CFAP61: variants seen among roughly 807,000 people sequenced by gnomAD.
CFAP61 encodes cilia- and flagella-associated protein 61.
In CFAP61, 107 loss-of-function variants were observed where a neutral mutation model predicts 135.6. The observed-to-expected ratio is 0.79, with a 90% CI of 0.67 to 0.93. The LOEUF (loss-of-function observed/expected upper bound fraction) is 0.93, where lower values mean the gene tolerates loss of function less well. CFAP61 is among the 40% of genes least tolerant of loss of function. The pLI, the probability that CFAP61 is intolerant of heterozygous loss-of-function variation, is 0.00. For missense variants in CFAP61, 1,507 were observed against 1,556.2 expected (o/e 0.97, Z 0.53); for synonymous variants, 575 against 578.5 (o/e 0.99, Z 0.09).
chr20:20,298,297 C>A lies in CFAP61; in HGVS notation c.3333C>A (p.Ser1111=). 1.2e-6 allele frequency: 2 copies of A among 1,614,164 alleles called. No individual in the cohort carries two copies. Among genetic ancestry groups the A allele is most frequent in the East Asian group, 4.5e-5 (2 of 44,886 alleles). Residue 1111 remains serine, a synonymous_variant, in exon 25 of 27, where the codon TCC becomes TCA. Transcript: ENST00000245957. ...TCLSREPFPA[S]NYIRLFGQHE... ...TTTCTAGGGAGCCCTTCCCCGCCTC[C>A]AACTACATCCGCTTGTTTGGCCAGC...
chr20:20,111,782 A>G (rs575380112), intron 8 of CFAP61, among the ~76,000 whole-genome samples: 153 of 152,276 alleles, frequency 1.0e-3, no homozygotes, highest in South Asian at 2.1e-3. Flanking sequence ...GAAAAGAGAG[A>G]CGGGTTCCTT....
At chr20:20,340,008 G>A (rs908008726) in intron 25 of CFAP61, among the ~76,000 whole-genome samples, 1 of 152,230 alleles carries the variant, frequency 6.6e-6, no homozygotes, top group Non-Finnish European at 1.5e-5. Flanking sequence ...TCACCTGGGA[G>A]CCTGTAGCTG....
At chr20:20,178,558 T>A (rs1449117688) in intron 13 of CFAP61, among the ~76,000 whole-genome samples, 1 of 152,208 alleles carries the variant, frequency 6.6e-6, no homozygotes, top group Non-Finnish European at 1.5e-5. Flanking sequence ...GGCTAACCAA[T>A]ATTTATTGTG....
At chr20:20,168,216 C>T (rs745701363) in intron 12 of CFAP61, among the ~76,000 whole-genome samples, 1 of 151,970 alleles carries the variant, frequency 6.6e-6, no homozygotes, top group Non-Finnish European at 1.5e-5. Context: ...GGACATGCCA[C>T]CATGCCCAGC....
intron 13 of CFAP61, among the ~76,000 whole-genome samples, chr20:20,172,824 C>T (rs1030786774): frequency 5.3e-5 from 8 of 152,170 alleles, no homozygotes; most frequent in African/African-American, 1.9e-4. Context: ...CATTAGGGTT[C>T]GCTGTTGGTG....
At chr20:20,106,416 T>C (rs895479060) in intron 8 of CFAP61, among the ~76,000 whole-genome samples, 5 of 152,226 alleles carry the variant, frequency 3.3e-5, no homozygotes, top group Non-Finnish European at 5.9e-5. Flanking sequence ...GAATCTATTA[T>C]TTTGCAGACA....
intron 7 of CFAP61, among the ~76,000 whole-genome samples, chr20:20,091,707 T>C (rs1568881063): frequency 2.0e-5 from 3 of 152,178 alleles, no homozygotes; most frequent in Non-Finnish European, 4.4e-5. Context: ...AGATGGAGCC[T>C]TGCTCTGTCA....
Position 20,311,572 on chromosome 20 carries a change from G to A in CFAP61, c.3422+13186G>A, listed in dbSNP as rs544859377. ...AGTCCTGAGTGGAGGAGAGGGAGCC[G>A]AGAGTCCGGGGAGACCAAGGCAGGT... is the stretch of plus-strand genomic sequence containing the variant. On this transcript the variant is annotated intron_variant, in intron 25 of 26. Transcript: ENST00000245957. Among the ~76,000 whole-genome samples, 13 of 152,256 alleles carry A rather than the reference G, an allele frequency of 8.5e-5. No homozygotes were observed. In the South Asian group the frequency reaches 2.5e-3, roughly 29 times the overall value.
intron 25 of CFAP61, among the ~76,000 whole-genome samples, chr20:20,334,866 G>A (rs984397141): frequency 6.6e-6 from 1 of 152,200 alleles, no homozygotes; most frequent in African/African-American, 2.4e-5. Context: ...CAGTCTTTGG[G>A]ATTTTTTGTT....
At chr20:20,122,365 C>T (rs1163634818) in intron 8 of CFAP61, among the ~76,000 whole-genome samples, 1 of 152,128 alleles carries the variant, frequency 6.6e-6, no homozygotes, top group East Asian at 1.9e-4. Flanking sequence ...CCATATTGGC[C>T]AGGCTGGTCT....
rs576597390 is a variant in CFAP61, at chr20:20,086,242, T to TGCCA, written c.567-4601_567-4598dup. 1.4e-4 allele frequency among the ~76,000 whole-genome samples: 21 copies of TGCCA among 151,720 alleles called. No individual in the cohort carries two copies. In the East Asian group the frequency reaches 4.1e-3, roughly 29 times the overall value. On this transcript the variant is annotated intron_variant, in intron 6 of 26. Transcript: ENST00000245957. The stretch of plus-strand genomic sequence containing the variant: ...CAGGTTTGTTACATGTGTGTACATG[T>TGCCA]GCCATACTGGTGTGCTGCACCCATT...
At chr20:20,281,574 C>T (rs1361592396) in intron 22 of CFAP61, among the ~76,000 whole-genome samples, 1 of 152,142 alleles carries the variant, frequency 6.6e-6, no homozygotes, top group African/African-American at 2.4e-5. Flanking sequence ...AAATGTTCAG[C>T]CAGCCTTATA....
At chr20:20,152,363 C>G (rs1466350077) in intron 9 of CFAP61, among the ~76,000 whole-genome samples, 3 of 149,922 alleles carry the variant, frequency 2.0e-5, no homozygotes, top group Non-Finnish European at 4.4e-5. Context: ...AAAACAGTAC[C>G]TCATATCTCA....
In CFAP61 at chr20:20,161,426, T is replaced by C. The variant is rs76802745; in HGVS notation, c.1026+1982T>C. 1.8e-4 allele frequency among the ~76,000 whole-genome samples: 28 copies of C among 152,122 alleles called. No homozygotes were observed. In the East Asian group the frequency reaches 5.2e-3, roughly 28 times the overall value. ...AGGGCACAAATCCACAAAGGTGAGATGGAGAGGAGATATTGGAAGATAAGC... is the reference window on the plus strand; with the variant it reads ...AGGGCACAAATCCACAAAGGTGAGACGGAGAGGAGATATTGGAAGATAAGC... On this transcript the variant is annotated intron_variant, in intron 10 of 26. Coordinates refer to ENST00000245957, the MANE Select transcript of CFAP61 (RefSeq NM_015585.4).
intron 6 of CFAP61, among the ~76,000 whole-genome samples, chr20:20,079,052 T>C (rs2046251798): frequency 6.6e-6 from 1 of 152,076 alleles, no homozygotes; most frequent in Admixed American, 6.6e-5. Flanking sequence ...TAAGAAAAAA[T>C]AGGTAACTTG....
At chr20:20,331,715 T>TC (rs1379615168) in intron 25 of CFAP61, among the ~76,000 whole-genome samples, 7 of 152,030 alleles carry the variant, frequency 4.6e-5, no homozygotes, top group Non-Finnish European at 7.4e-5. Flanking sequence ...TGCTCCTTTG[T>TC]CCCCCTGACT....
chr20:20,333,893 C>G (rs890537006), intron 25 of CFAP61, among the ~76,000 whole-genome samples: 1 of 152,224 alleles, frequency 6.6e-6, no homozygotes, highest in Non-Finnish European at 1.5e-5. Flanking sequence ...CTCAGCCTCC[C>G]TCCCTCGTCA....
chr20:20,167,458 G>C (rs946490991), intron 12 of CFAP61, among the ~76,000 whole-genome samples: 1 of 152,114 alleles, frequency 6.6e-6, no homozygotes, highest in African/African-American at 2.4e-5. Context: ...TAACGTCCAT[G>C]TAAACGTAAA....
At position 20,193,010 on chromosome 20, in the gene CFAP61, G is replaced by A. The variant is rs143585601; in HGVS notation, c.1590+1591G>A. ...CAAGGGGTGGAGGCAGACTTCTCTC[G>A]ATGGGGGTGTGGCAGAGTCACTTTG... On this transcript the variant is annotated intron_variant, in intron 15 of 26. Coordinates refer to ENST00000245957, the MANE Select transcript of CFAP61 (RefSeq NM_015585.4). Among the ~76,000 whole-genome samples the A allele has an allele frequency of 1.1e-4, 16 of 152,242 alleles. No individual in the cohort carries two copies. In the East Asian group the frequency reaches 2.1e-3, roughly 20 times the overall value.
Sources: gnomAD v4.1 joint callset for allele counts (sites outside exome capture counted in the v4.1 genomes callset) on GRCh38, gnomAD v4.1.1 for gene constraint, MANE v1.5 for transcripts, NCBI Gene and HGNC (gene_info 2026-07-23, HGNC 2026-07-21) for gene names.